The following CAMKK2 variants were observed in gnomAD, a reference collection of about 807,000 sequenced individuals.
CAMKK2 encodes calcium/calmodulin dependent protein kinase kinase 2.
A neutral mutation model predicts 67.2 loss-of-function variants in CAMKK2; 30 were observed. That is an observed-to-expected ratio of 0.45 (90% CI 0.33 to 0.61). CAMKK2 has a LOEUF of 0.61. CAMKK2 is among the 20% of genes least tolerant of loss of function. CAMKK2 has a pLI of 0.02. For synonymous variants in CAMKK2, 322 were observed against 326.2 expected (o/e 0.99, Z 0.14); for missense variants, 643 against 802.0 (o/e 0.80, Z 2.39).
intron 1 of CAMKK2, among the ~76,000 whole-genome samples, chr12:121,279,964 G>A (rs1017388038): frequency 7.9e-5 from 12 of 152,230 alleles, no homozygotes; most frequent in Non-Finnish European, 1.6e-4. Context: ...TGCCAAAGAG[G>A]TGCTCCCGAG....
At position 121,240,720 on chromosome 12, in the gene CAMKK2, C is replaced by G; in HGVS notation, c.1746G>C (p.Glu582Asp). ...GCAGCTACTCGGGCTCCATGGCCTCCTCCGGCCGCAGTGGATGCATGCGTG... is the reference window on the plus strand; with the variant it reads ...GCAGCTACTCGGGCTCCATGGCCTCGTCCGGCCGCAGTGGATGCATGCGTG... ...SPARMHPLRP[E>D]EAMEPE The change falls in exon 17 of 17, where the codon GAG (glutamate) becomes GAC (aspartate). Residue 582 changes from glutamate (E) to aspartate (D), a missense_variant. Around this residue, in one of 3 missense-constraint regions of CAMKK2, gnomAD observed 140 missense variants for 124.2 expected, o/e 1.13. Transcript: ENST00000404169. The surrounding 1 kb of genome is among the most constrained non-coding windows in gnomAD (Gnocchi z 4.4). 3 of 1,606,404 alleles carry G rather than the reference C, an allele frequency of 1.9e-6. No homozygotes were observed. The highest frequency in any genetic ancestry group is 2.5e-6 in the Non-Finnish European group (3 of 1,178,526).
chr12:121,291,881 C>T (rs1742341429), intron 1 of CAMKK2, among the ~76,000 whole-genome samples: 3 of 151,786 alleles, frequency 2.0e-5, no homozygotes, highest in Admixed American at 2.0e-4. Context: ...CATGGTGAAA[C>T]CCCGTCTCTA....
chr12:121,273,009 T>G (rs1011887502), intron 2 of CAMKK2, among the ~76,000 whole-genome samples: 1 of 152,098 alleles, frequency 6.6e-6, no homozygotes, highest in Non-Finnish European at 1.5e-5. Context: ...GCTCTGGGGA[T>G]GGGATAGGGT....
At position 121,268,634 on chromosome 12, in the gene CAMKK2, T is replaced by C; in HGVS notation, c.625+4A>G. 6.2e-7 allele frequency: 1 copy of C among 1,613,898 alleles called. No homozygotes were observed. Among genetic ancestry groups the C allele is most frequent in the Non-Finnish European group, 8.5e-7 (1 of 1,179,862 alleles). ...ACCTAACAACAAAGGCCCGCCAAAC[T>C]CACGTGGAAAGCCGGCCTGCCGGAT... On this transcript the variant is annotated splice_donor_region_variant and intron_variant, in intron 5 of 16. Coordinates refer to ENST00000404169, the MANE Select transcript of CAMKK2 (RefSeq NM_001270485.2).
chr12:121,258,721 T>G (rs1451261747), intron 7 of CAMKK2, among the ~76,000 whole-genome samples: 1 of 152,136 alleles, frequency 6.6e-6, no homozygotes, highest in Non-Finnish European at 1.5e-5. Context: ...TCCCTGCAGC[T>G]GCCCAGCTCA....
intron 1 of CAMKK2, among the ~76,000 whole-genome samples, chr12:121,289,849 T>C (rs1448679728): frequency 6.8e-6 from 1 of 146,926 alleles, no homozygotes; most frequent in Non-Finnish European, 1.5e-5. Context: ...GCTGAGATCA[T>C]GCTACTGCAC....
chr12:121,264,219 G>A (rs1156464272), intron 5 of CAMKK2, among the ~76,000 whole-genome samples: 1 of 152,254 alleles, frequency 6.6e-6, no homozygotes, highest in South Asian at 2.1e-4. Context: ...GAGTGCTGAG[G>A]CAACTGCAGT....
chr12:121,247,421 C>G (rs1369972803), intron 14 of CAMKK2, among the ~76,000 whole-genome samples: 1 of 152,194 alleles, frequency 6.6e-6, no homozygotes, highest in Non-Finnish European at 1.5e-5. Context: ...CAGGGCCAGA[C>G]GCTTTCTCCC....
At position 121,242,974 on chromosome 12, in the gene CAMKK2, C is replaced by T. The variant is rs183826758; in HGVS notation, c.1596+1599G>A. Among the ~76,000 whole-genome samples the T allele has an allele frequency of 1.5e-3, 233 of 151,870 alleles. 1 individual carries two copies. The highest frequency in any genetic ancestry group is 3.4e-3 in the Middle Eastern group (1 of 290). On this transcript the variant is annotated intron_variant, in intron 16 of 16. Coordinates refer to ENST00000404169, the MANE Select transcript of CAMKK2 (RefSeq NM_001270485.2). Reference sequence around the variant, plus strand: ...AGCCAGGATGGTCTCGATCTCCTGACCTCGTCATTCGCCTGCCTTGGCCTC... The same window carrying T: ...AGCCAGGATGGTCTCGATCTCCTGATCTCGTCATTCGCCTGCCTTGGCCTC...
At position 121,255,236 on chromosome 12, in the gene CAMKK2, T is replaced by TA. The variant is rs1566058215; in HGVS notation, c.907+313_907+314insT. On this transcript the variant is annotated intron_variant, in intron 9 of 16. Transcript: ENST00000404169. The stretch of plus-strand genomic sequence containing the variant: ...TATATAATTTTATATATATATAATT[T>TA]TATATATATATAATTATATATATAA... Among the ~76,000 whole-genome samples, 25 of 3,220 alleles carry TA rather than the reference T, an allele frequency of 7.8e-3. 1 individual carries two copies. The highest frequency in any genetic ancestry group is 0.011 in the Non-Finnish European group (22 of 2,076). 2.1% of individuals were successfully genotyped at this position (3,220 alleles called of 152,430 possible). A position where few individuals can be genotyped will look rare whatever the true frequency, so the allele number is the denominator to read the frequency against.
At chr12:121,265,092 G>A (rs1241757840) in intron 5 of CAMKK2, among the ~76,000 whole-genome samples, 1 of 152,162 alleles carries the variant, frequency 6.6e-6, no homozygotes, top group Non-Finnish European at 1.5e-5. Flanking sequence ...AGGCACTCAG[G>A]CCACCGCTTG....
rs543310095 is a variant in CAMKK2, at chr12:121,261,073, C to T, written c.760-718G>A. ...AGCCTCCCCATTGCCCCTAACCCCA[C>T]AGGAAATGATGTCTCCCTGCCCAGA... On this transcript the variant is annotated intron_variant, in intron 6 of 16. Coordinates refer to ENST00000404169, the MANE Select transcript of CAMKK2 (RefSeq NM_001270485.2). Among the ~76,000 whole-genome samples, 14 of 152,154 alleles carry T rather than the reference C, an allele frequency of 9.2e-5. No individual in the cohort carries two copies. The South Asian group carries it at 2.3e-3, about 25-fold the overall frequency.
At chr12:121,282,580 C>T (rs1487630249) in intron 1 of CAMKK2, among the ~76,000 whole-genome samples, 2 of 152,050 alleles carry the variant, frequency 1.3e-5, no homozygotes, top group Non-Finnish European at 2.9e-5. Flanking sequence ...GAGGCGGAGA[C>T]GATGCTCCTT....
At position 121,240,997 on chromosome 12, in the gene CAMKK2, G is replaced by C. The variant is rs1888274843; in HGVS notation, c.1597-128C>G. 1.1e-6 allele frequency: 1 copy of C among 870,132 alleles called. No homozygotes were observed. Among genetic ancestry groups the C allele is most frequent in the Non-Finnish European group, 1.8e-6 (1 of 563,372 alleles). 53.9% of individuals were successfully genotyped at this position (870,132 alleles called of 1,614,324 possible). A position where few individuals can be genotyped will look rare whatever the true frequency, so the allele number is the denominator to read the frequency against. ...GCGCACCCCCTGGAACGTGATCTAC[G>C]TAACCCAGTCTTTGAGATCCTCTCC... On this transcript the variant is annotated intron_variant, in intron 16 of 16. Transcript: ENST00000404169. The surrounding 1 kb of genome is among the most constrained non-coding windows in gnomAD (Gnocchi z 4.4).
At chr12:121,262,323 T>C (rs565478945) in intron 6 of CAMKK2, among the ~76,000 whole-genome samples, 7 of 152,098 alleles carry the variant, frequency 4.6e-5, no homozygotes, top group Admixed American at 1.3e-4. Context: ...CCATCCTGAC[T>C]AACACGGTGA....
rs571793002 is a variant in CAMKK2, at chr12:121,286,620, T to A, written c.-60+10018A>T. Among the ~76,000 whole-genome samples the A allele has an allele frequency of 1.1e-4, 16 of 152,280 alleles. No individual in the cohort carries two copies. The East Asian group carries it at 1.7e-3, about 17-fold the overall frequency. ...GTACAGTGGCACAATCTTGGCTCACTGCAGCCTTGATCTCCCGGGCTCAAG... is the reference window on the plus strand; with the variant it reads ...GTACAGTGGCACAATCTTGGCTCACAGCAGCCTTGATCTCCCGGGCTCAAG... On this transcript the variant is annotated intron_variant, in intron 1 of 16. Transcript: ENST00000404169.
chr12:121,281,188 G>A (rs1056984357), intron 1 of CAMKK2, among the ~76,000 whole-genome samples: 19 of 152,228 alleles, frequency 1.2e-4, no homozygotes, highest in Admixed American at 3.3e-4. Flanking sequence ...GTGATTATCG[G>A]GGCAGGTCCC....
intron 9 of CAMKK2, among the ~76,000 whole-genome samples, chr12:121,255,152 G>C (rs1891612616): frequency 7.8e-6 from 1 of 128,816 alleles, no homozygotes; most frequent in Non-Finnish European, 1.6e-5. Flanking sequence ...CTATATTGTG[G>C]GACCTTGTGA....
intron 1 of CAMKK2, among the ~76,000 whole-genome samples, chr12:121,283,047 G>A (rs947233140): frequency 6.6e-6 from 1 of 152,072 alleles, no homozygotes; most frequent in African/African-American, 2.4e-5. Flanking sequence ...GAGCCACCAC[G>A]CCCTGCCTAA....
Sources: gnomAD v4.1 joint callset for allele counts (sites outside exome capture counted in the v4.1 genomes callset) on GRCh38, gnomAD v4.1.1 for gene constraint, gnomAD v4.1.1 regional missense constraint, Gnocchi (gnomAD v3.1) non-coding constraint, MANE v1.5 for transcripts, NCBI Gene and HGNC (gene_info 2026-07-23, HGNC 2026-07-21) for gene names.